RLF: variants seen among roughly 807,000 people sequenced by gnomAD.
RLF encodes the protein zinc finger protein Rlf.
In RLF, 7 loss-of-function variants were observed where a neutral mutation model predicts 162.9. That is an observed-to-expected ratio of 0.04 (90% CI 0.02 to 0.08). The LOEUF is 0.08. RLF is among the 10% of genes least tolerant of loss of function. RLF has a pLI of 1.00. For synonymous variants in RLF, 782 were observed against 791.5 expected, an observed-to-expected ratio of 0.99 and a Z score of 0.20; for missense variants, 1,664 against 2,244.7, an observed-to-expected ratio of 0.74 and a Z score of 5.23.
In RLF at chr1:40,239,072, A is replaced by T. The variant is rs1296353889; in HGVS notation, c.4370A>T (p.His1457Leu). The T allele has an allele frequency of 9.3e-6, 15 of 1,614,204 alleles. No homozygotes were observed. Among genetic ancestry groups the T allele is most frequent in the Non-Finnish European group, 1.3e-5 (15 of 1,180,046 alleles). The change falls in exon 8 of 8, where the codon CAT becomes CTT. Residue 1457 changes from histidine to leucine, a missense_variant. By Grantham distance (99) the His-to-Leu change is moderately conservative (BLOSUM62 -3). Around this residue, in one of 15 missense-constraint regions of RLF, gnomAD observed 200 missense variants for 207.3 expected, o/e 0.96. Transcript: ENST00000372771. The stretch of plus-strand genomic sequence containing the variant: ...AATGGCTGTGGCCAGATTTTCACCC[A>T]TCGCAGTAATTACTCACAACATGTA... ...DLNGCGQIFT[H>L]RSNYSQHVYY...
chr1:40,234,343 G>T (rs577540018), intron 7 of RLF, among the ~76,000 whole-genome samples: 6 of 152,190 alleles, frequency 3.9e-5, no homozygotes, highest in Admixed American at 3.9e-4. Context: ...TCTATAAAAT[G>T]AGGATAATAC....
At chr1:40,194,322 T>C (rs1470352359) in intron 3 of RLF, among the ~76,000 whole-genome samples, 1 of 152,146 alleles carries the variant, frequency 6.6e-6, no homozygotes, top group Non-Finnish European at 1.5e-5. Context: ...CAGAATTCTT[T>C]AAAAGAAAGC....
intron 7 of RLF, among the ~76,000 whole-genome samples, 193 bp from the exon 8 acceptor site, chr1:40,235,599 G>T (rs1003452467): frequency 6.6e-6 from 1 of 152,134 alleles, no homozygotes; most frequent in Non-Finnish European, 1.5e-5. Flanking sequence ...TACATTGTTC[G>T]TAGTTGTAGC....
intron 5 of RLF, among the ~76,000 whole-genome samples, chr1:40,215,544 G>GA (rs766144410): frequency 3.3e-5 from 5 of 150,564 alleles, no homozygotes; most frequent in African/African-American, 7.3e-5. Context: ...ATGGATTAAA[G>GA]AAAAAAAAAG....
chr1:40,225,761 C>T (rs1168323562), intron 6 of RLF, among the ~76,000 whole-genome samples: 2 of 151,204 alleles, frequency 1.3e-5, no homozygotes, highest in Non-Finnish European at 2.9e-5. Context: ...CCTGTAGTCC[C>T]AGCTACTCGT....
chr1:40,162,637 A>G (rs559136252), intron 1 of RLF, among the ~76,000 whole-genome samples: 3 of 152,226 alleles, frequency 2.0e-5, no homozygotes, highest in African/African-American at 4.8e-5. Flanking sequence ...TTGGGGGGCA[A>G]TTTGCTCTGT....
At chr1:40,233,826 T>C (rs1032502934) in intron 7 of RLF, among the ~76,000 whole-genome samples, 6 of 152,230 alleles carry the variant, frequency 3.9e-5, no homozygotes, top group Non-Finnish European at 1.5e-5. Flanking sequence ...TCTTTCCCCC[T>C]TCTCACTATT....
intron 3 of RLF, 70 bp downstream of exon 3, chr1:40,190,923 A>T (rs910894395): frequency 2.2e-6 from 2 of 894,956 alleles, no homozygotes; most frequent in African/African-American, 3.4e-5. Flanking sequence ...CAGCAAACTA[A>T]AATTGGAACC....
intron 1 of RLF, among the ~76,000 whole-genome samples, chr1:40,168,502 C>T (rs950574732): frequency 6.6e-6 from 1 of 152,032 alleles, no homozygotes; most frequent in Non-Finnish European, 1.5e-5. Flanking sequence ...CACAGCTTCC[C>T]AAAGTGCTGG....
intron 6 of RLF, among the ~76,000 whole-genome samples, chr1:40,224,210 C>T (rs1035483646): frequency 3.3e-5 from 5 of 152,008 alleles, no homozygotes; most frequent in Admixed American, 1.3e-4. Context: ...TTTGTGGCCT[C>T]CTCAGGAGCT....
chr1:40,191,140 G>T (rs1343387159), intron 3 of RLF, among the ~76,000 whole-genome samples: 3 of 152,132 alleles, frequency 2.0e-5, no homozygotes, highest in African/African-American at 7.2e-5. Flanking sequence ...TGATTATAAA[G>T]TAACAGTATT....
At chr1:40,190,676 C>A in intron 2 of RLF, 96 bp from the exon 3 acceptor site, 5 of 774,806 alleles carry the variant, frequency 6.5e-6, no homozygotes, top group Non-Finnish European at 6.1e-6. Flanking sequence ...TTTAAAATAG[C>A]CTAAACAAAT....
intron 1 of RLF, among the ~76,000 whole-genome samples, chr1:40,185,843 C>CAAAAAA (rs33982008): frequency 5.9e-5 from 4 of 67,524 alleles, no homozygotes; most frequent in Admixed American, 2.3e-4. Flanking sequence ...AAAAAAAAAG[C>CAAAAAA]AAAAAAAAAA....
intron 1 of RLF, among the ~76,000 whole-genome samples, chr1:40,174,880 C>T (rs1642298500): frequency 1.3e-5 from 2 of 152,076 alleles, no homozygotes; most frequent in South Asian, 4.2e-4. Context: ...TGATTTCAGT[C>T]TTTAAAGGAC....
At chr1:40,217,633 G>A (rs941701867) in intron 5 of RLF, among the ~76,000 whole-genome samples, 6 of 151,910 alleles carry the variant, frequency 3.9e-5, no homozygotes, top group African/African-American at 7.3e-5. Flanking sequence ...TTAGCTGGGC[G>A]CGGGAGCGTA....
intron 1 of RLF, among the ~76,000 whole-genome samples, chr1:40,187,279 C>A (rs1642495439): frequency 6.6e-6 from 1 of 152,152 alleles, no homozygotes; most frequent in African/African-American, 2.4e-5. Flanking sequence ...ATCCGTCCGC[C>A]TCGGCCTCCC....
intron 1 of RLF, among the ~76,000 whole-genome samples, chr1:40,169,240 C>G (rs970449061): frequency 1.3e-5 from 2 of 152,118 alleles, no homozygotes; most frequent in African/African-American, 4.8e-5. Flanking sequence ...GTGGTGAGTT[C>G]TTTAGACTGT....
intron 5 of RLF, among the ~76,000 whole-genome samples, chr1:40,208,114 C>G (rs1407980932): frequency 6.6e-6 from 1 of 152,150 alleles, no homozygotes; most frequent in Non-Finnish European, 1.5e-5. Flanking sequence ...GTGGCCTGGT[C>G]TTTGAGATTT....
At chr1:40,191,493 G>A (rs1030099243) in intron 3 of RLF, among the ~76,000 whole-genome samples, 8 of 150,602 alleles carry the variant, frequency 5.3e-5, no homozygotes, top group South Asian at 2.1e-4. Context: ...AGCCAAGATC[G>A]CACCACTGCA....
Sources: gnomAD v4.1 joint callset for allele counts (sites outside exome capture counted in the v4.1 genomes callset) on GRCh38, gnomAD v4.1.1 for gene constraint, gnomAD v4.1.1 regional missense constraint, MANE v1.5 for transcripts, NCBI Gene and HGNC (gene_info 2026-07-23, HGNC 2026-07-21) for gene names.